GNAL: variants seen among roughly 807,000 people sequenced by gnomAD.
GNAL encodes G protein subunit alpha L, also known as guanine nucleotide-binding protein G(olf) subunit alpha.
GNAL carries 18 observed loss-of-function variants against 55.1 expected under a neutral mutation model. The ratio of observed to expected loss-of-function variants is 0.33; its 90% CI spans 0.23 to 0.48. The LOEUF (loss-of-function observed/expected upper bound fraction) is 0.48, where lower values mean the gene tolerates loss of function less well. Ranked by LOEUF, GNAL falls within the 20% of genes least tolerant of loss-of-function variation. The pLI, the probability that GNAL is intolerant of heterozygous loss-of-function variation, is 0.99. For synonymous variants in GNAL, 253 were observed against 237.0 expected (o/e 1.07, Z -0.62); for missense variants, 412 against 614.1 (o/e 0.67, Z 3.48).
intron 5 of GNAL, among the ~76,000 whole-genome samples, chr18:11,855,702 G>T (rs1367090244): frequency 3.9e-5 from 6 of 152,214 alleles, no homozygotes; most frequent in African/African-American, 1.4e-4. Flanking sequence ...GCCAGGTGCA[G>T]TGGCTCACGC....
chr18:11,747,938 G>T (rs920049218), intron 1 of GNAL, among the ~76,000 whole-genome samples: 2 of 152,142 alleles, frequency 1.3e-5, no homozygotes, highest in Non-Finnish European at 2.9e-5. Context: ...CAATGCTGCT[G>T]CTGCGGTTGC....
At chr18:11,702,875 T>TG (rs2031607977) in intron 1 of GNAL, among the ~76,000 whole-genome samples, 1 of 150,896 alleles carries the variant, frequency 6.6e-6, no homozygotes, top group Admixed American at 6.6e-5. Flanking sequence ...CCCAACACTT[T>TG]GGGAGGCTGA....
chr18:11,757,960 T>C (rs1259441561), intron 4 of GNAL, among the ~76,000 whole-genome samples: 1 of 151,894 alleles, frequency 6.6e-6, no homozygotes, highest in African/African-American at 2.4e-5. Context: ...GGCGGCAGAT[T>C]AGGCTTTCTG....
chr18:11,862,517 G>A lies in GNAL; in HGVS notation c.777+68G>A, dbSNP rs1468383109. The A allele has an allele frequency of 4.8e-6, 6 of 1,247,762 alleles. No homozygotes were observed. In the Admixed American group the frequency reaches 1.0e-4, roughly 22 times the overall value. 77.3% of individuals were successfully genotyped at this position (1,247,762 alleles called of 1,614,324 possible). On this transcript the variant is annotated intron_variant, in intron 6 of 11. Coordinates refer to ENST00000334049, the MANE Select transcript of GNAL (RefSeq NM_182978.4). ...AGATTCATTTCCAATATGATTTAAT[G>A]ATTATTTCAGAATGAATTAAGGAAA... is the stretch of plus-strand genomic sequence containing the variant.
At chr18:11,696,784 G>T (rs2031427096) in intron 1 of GNAL, among the ~76,000 whole-genome samples, 1 of 152,192 alleles carries the variant, frequency 6.6e-6, no homozygotes, top group Admixed American at 6.5e-5. Flanking sequence ...TTATTCACAT[G>T]ATTAATACTG....
chr18:11,785,331 G>A (rs2034027295), intron 4 of GNAL, among the ~76,000 whole-genome samples: 1 of 152,214 alleles, frequency 6.6e-6, no homozygotes, highest in Non-Finnish European at 1.5e-5. Context: ...TGTGGAATGG[G>A]TGTCCACAAG....
chr18:11,697,652 C>T (rs1397894665), intron 1 of GNAL, among the ~76,000 whole-genome samples: 1 of 151,940 alleles, frequency 6.6e-6, no homozygotes, highest in Admixed American at 6.6e-5. Flanking sequence ...TGGGTGTGGG[C>T]AAAACGGAAT....
chr18:11,852,162 T>G (rs2035889109), intron 5 of GNAL: 1 of 1,506,802 alleles, frequency 6.6e-7, no homozygotes, highest in East Asian at 2.4e-5. Context: ...TTTGAAATGC[T>G]CTCTGTGTGT....
Position 11,724,396 on chromosome 18 carries a change from G to C in GNAL, c.377-28457G>C, listed in dbSNP as rs111514188. On this transcript the variant is annotated intron_variant, in intron 1 of 11. Transcript: ENST00000334049. ...TACAACAGAAGTGGACTTTCTCATA[G>C]TTCTGCCGGCTAAAAGGATGTCCCT... is the stretch of plus-strand genomic sequence containing the variant. 1.6e-3 allele frequency among the ~76,000 whole-genome samples: 251 copies of C among 152,316 alleles called. 3 individuals carry two copies. The highest frequency in any genetic ancestry group is 5.9e-3 in the African/African-American group (245 of 41,570).
chr18:11,828,221 C>T (rs1228686682), intron 5 of GNAL, among the ~76,000 whole-genome samples: 1 of 152,074 alleles, frequency 6.6e-6, no homozygotes, highest in African/African-American at 2.4e-5. Context: ...TTCTGCAATA[C>T]TTCAATCGTT....
chr18:11,775,281 T>C (rs1209371157), intron 4 of GNAL, among the ~76,000 whole-genome samples: 8 of 152,234 alleles, frequency 5.3e-5, no homozygotes, highest in Non-Finnish European at 1.0e-4. Flanking sequence ...GGAGGGTTTC[T>C]CTGCAGAGTC....
At chr18:11,864,745 A>ACT (rs1661621043) in intron 7 of GNAL, 139 bp downstream of exon 7, 4 of 647,740 alleles carry the variant, frequency 6.2e-6, no homozygotes, top group Non-Finnish European at 8.6e-6. Context: ...TGAAATTTGA[A>ACT]CTCTAGCAAG....
At chr18:11,754,911 T>C (rs2032990498) in intron 4 of GNAL, among the ~76,000 whole-genome samples, 1 of 152,202 alleles carries the variant, frequency 6.6e-6, no homozygotes. Flanking sequence ...GGTCATTTCA[T>C]AAAGCATGTT....
chr18:11,782,240 C>T (rs867092259), intron 4 of GNAL, among the ~76,000 whole-genome samples: 3 of 152,110 alleles, frequency 2.0e-5, no homozygotes, highest in Admixed American at 6.5e-5. Flanking sequence ...TCACTTGATC[C>T]AGGGAGGCGG....
intron 5 of GNAL, among the ~76,000 whole-genome samples, chr18:11,845,177 C>T (rs1173190865): frequency 6.6e-6 from 1 of 152,074 alleles, no homozygotes; most frequent in African/African-American, 2.4e-5. Flanking sequence ...CTATTTTTAA[C>T]TTATAGATTG....
At chr18:11,743,073 G>A (rs1383874125) in intron 1 of GNAL, among the ~76,000 whole-genome samples, 1 of 152,146 alleles carries the variant, frequency 6.6e-6, no homozygotes. Flanking sequence ...TTCCCTTATG[G>A]TATATCCCCA....
chr18:11,768,211 C>G (rs534187387), intron 4 of GNAL, among the ~76,000 whole-genome samples: 3 of 152,326 alleles, frequency 2.0e-5, no homozygotes, highest in African/African-American at 7.2e-5. Flanking sequence ...TTTATCAACA[C>G]CGTACTCAGG....
chr18:11,760,774 A>G (rs1304920353), intron 4 of GNAL, among the ~76,000 whole-genome samples: 1 of 152,088 alleles, frequency 6.6e-6, no homozygotes, highest in South Asian at 2.1e-4. Context: ...TGGTGTTTGT[A>G]TCTTGAAAGG....
intron 4 of GNAL, among the ~76,000 whole-genome samples, chr18:11,817,746 A>G (rs75050312): frequency 0.049 from 7,386 of 149,310 alleles, 326 homozygotes; most frequent in African/African-American, 0.098. Flanking sequence ...GTGCCACAAC[A>G]CCGGGCTAAT....
Sources: gnomAD v4.1 joint callset for allele counts (sites outside exome capture counted in the v4.1 genomes callset) on GRCh38, gnomAD v4.1.1 for gene constraint, MANE v1.5 for transcripts, NCBI Gene and HGNC (gene_info 2026-07-23, HGNC 2026-07-21) for gene names.